GPLD1: variants seen among roughly 807,000 people sequenced by gnomAD.
GPLD1 encodes phosphatidylinositol-glycan-specific phospholipase D.
In GPLD1, 84 loss-of-function variants were observed where a neutral mutation model predicts 112.6. That is an observed-to-expected ratio of 0.75 (90% CI 0.63 to 0.89). GPLD1 has a LOEUF of 0.89. GPLD1 is among the 40% of genes least tolerant of loss of function. The probability of loss-of-function intolerance (pLI) is 0.00; values close to 1 mark genes in which losing one functional copy is unlikely to be tolerated. For synonymous variants in GPLD1, 386 were observed against 403.8 expected (o/e 0.96, Z 0.53); for missense variants, 1,044 against 1,051.5 (o/e 0.99, Z 0.10).
At chr6:24,474,177 A>C (rs1763929622) in intron 5 of GPLD1, among the ~76,000 whole-genome samples, 3 of 36,468 alleles carry the variant, frequency 8.2e-5, no homozygotes, top group African/African-American at 1.2e-4. Flanking sequence ...ACCCACATAC[A>C]CACACACACA....
intron 15 of GPLD1, 121 bp from the exon 16 acceptor site, chr6:24,448,329 C>A (rs1581745359): frequency 5.4e-5 from 23 of 429,742 alleles, no homozygotes; most frequent in Middle Eastern, 3.7e-4. Context: ...TCTATAATCC[C>A]AGTGCTTTGG....
intron 1 of GPLD1, among the ~76,000 whole-genome samples, chr6:24,486,817 CA>C (rs11322353): frequency 0.87 from 130,803 of 149,678 alleles, 57,681 homozygotes; most frequent in Non-Finnish European, 0.92. Flanking sequence ...GGCTCTGTCT[CA>C]AAAAAAAAAA....
intron 2 of GPLD1, among the ~76,000 whole-genome samples, chr6:24,481,762 A>T (rs563432576): frequency 2.0e-5 from 3 of 152,284 alleles, no homozygotes; most frequent in African/African-American, 7.2e-5. Context: ...TATAGAAACC[A>T]TCTAGAGCTC....
intron 13 of GPLD1, 29 bp from the exon 14 acceptor site, chr6:24,454,230 T>C (rs1187740067): frequency 6.4e-7 from 1 of 1,556,728 alleles, no homozygotes; most frequent in South Asian, 1.2e-5. Context: ...CCCACCATGG[T>C]ATGCACTGAG....
Position 24,480,082 on chromosome 6 carries a change from AAAGG to A in GPLD1, c.154-127_154-124del, listed in dbSNP as rs369474313. 1,149 of 634,072 alleles carry A rather than the reference AAAGG, an allele frequency of 1.8e-3. 7 individuals carry two copies. The highest frequency in any genetic ancestry group is 0.013 in the African/African-American group (715 of 55,488). The allele number at this position is 634,072 out of a possible 1,614,324, so 39.3% of individuals were successfully genotyped here. A position where few individuals can be genotyped will look rare whatever the true frequency, so the allele number is the denominator to read the frequency against. ...GGGGTATAGATGGAATGAAAGGGAA[AAAGG>A]AAGGAAAGCAGGCATAAAGTAAATA... On this transcript the variant is annotated intron_variant, in intron 2 of 24. Coordinates refer to ENST00000230036, the MANE Select transcript of GPLD1 (RefSeq NM_001503.4).
At chr6:24,485,285 C>A (rs188240720) in intron 2 of GPLD1, among the ~76,000 whole-genome samples, 1 of 152,116 alleles carries the variant, frequency 6.6e-6, no homozygotes, top group Non-Finnish European at 1.5e-5. Context: ...TGCCTATAAT[C>A]CCAGTGCTTT....
At chr6:24,431,933 G>A (rs1762417336) in intron 24 of GPLD1, among the ~76,000 whole-genome samples, 1 of 152,058 alleles carries the variant, frequency 6.6e-6, no homozygotes, top group South Asian at 2.1e-4. Flanking sequence ...GGGGATACTT[G>A]CTCAATTATA....
chr6:24,493,369 G>A (rs1037765939), upstream of GPLD1, among the ~76,000 whole-genome samples: 3 of 152,202 alleles, frequency 2.0e-5, no homozygotes, highest in Non-Finnish European at 4.4e-5. Context: ...CCATCTACTC[G>A]GGAGGCTGAG....
upstream of GPLD1, among the ~76,000 whole-genome samples, chr6:24,490,178 G>A (rs1764518116): frequency 6.6e-6 from 1 of 152,156 alleles, no homozygotes; most frequent in South Asian, 2.1e-4. Context: ...TCAGATTCCT[G>A]CAGCTGAAGC....
chr6:24,443,228 G>A (rs143678730), intron 20 of GPLD1, among the ~76,000 whole-genome samples: 195 of 152,266 alleles, frequency 1.3e-3, no homozygotes, highest in African/African-American at 4.5e-3. Context: ...GGGGAACCGA[G>A]GAAGAAGAGA....
chr6:24,456,425 A>T, intron 13 of GPLD1, 73 bp downstream of exon 13: 1 of 971,976 alleles, frequency 1.0e-6, no homozygotes, highest in East Asian at 2.5e-5. Flanking sequence ...ATGAAATAAA[A>T]AACAGTTGCA....
At chr6:24,494,299 C>G (rs905537848), upstream of GPLD1, among the ~76,000 whole-genome samples, 1 of 152,188 alleles carries the variant, frequency 6.6e-6, no homozygotes, top group Non-Finnish European at 1.5e-5. Flanking sequence ...TAAGGTTAAC[C>G]TGTCGGTCAC....
intron 7 of GPLD1, among the ~76,000 whole-genome samples, chr6:24,469,329 G>A (rs540706321): frequency 3.5e-4 from 47 of 135,914 alleles, no homozygotes; most frequent in Non-Finnish European, 4.7e-4. Flanking sequence ...ACATGCACAC[G>A]TATGTTTATT....
chr6:24,438,968 G>C (rs793668), intron 20 of GPLD1, among the ~76,000 whole-genome samples: 65,927 of 151,936 alleles, frequency 0.43, 16,448 homozygotes, highest in Middle Eastern at 0.6. Context: ...ATTTTTAGTA[G>C]AGACAGGGTT....
chr6:24,427,136 C>T lies in GPLD1; in HGVS notation c.*1896G>A, dbSNP rs1461296024. On this transcript the variant is annotated 3_prime_UTR_variant, in exon 25 of 25. Coordinates refer to ENST00000230036, the MANE Select transcript of GPLD1 (RefSeq NM_001503.4). The stretch of plus-strand genomic sequence containing the variant: ...GAAAGAGGTTCTTCCCAATTTAACA[C>T]AAAATAAACTAGTTACTGTTTACAG... 6.6e-6 allele frequency among the ~76,000 whole-genome samples: 1 copy of T among 152,186 alleles called. No homozygotes were observed. The highest frequency in any genetic ancestry group is 2.4e-5 in the African/African-American group (1 of 41,432).
upstream of GPLD1, among the ~76,000 whole-genome samples, chr6:24,491,627 G>A (rs1343176632): frequency 1.3e-5 from 2 of 151,926 alleles, no homozygotes; most frequent in Non-Finnish European, 2.9e-5. Flanking sequence ...AACATCGCCT[G>A]TACCTGGGAA....
chr6:24,436,212 C>T (rs1451893698), intron 22 of GPLD1, among the ~76,000 whole-genome samples: 1 of 151,222 alleles, frequency 6.6e-6, no homozygotes, highest in Admixed American at 6.6e-5. Context: ...GCCATGATCA[C>T]ACCACTGCAC....
intron 14 of GPLD1, among the ~76,000 whole-genome samples, chr6:24,453,727 AAG>A (rs1763172244): frequency 8.4e-6 from 1 of 119,144 alleles, no homozygotes. Flanking sequence ...TGTGTGTATA[AAG>A]AGGTTTTATA....
At chr6:24,447,165 G>GA (rs1285860276) in intron 17 of GPLD1, among the ~76,000 whole-genome samples, 186 bp from the exon 18 acceptor site, 1 of 152,098 alleles carries the variant, frequency 6.6e-6, no homozygotes, top group East Asian at 1.9e-4. Context: ...CTTCATACAA[G>GA]AAATACATTT....
Sources: gnomAD v4.1 joint callset for allele counts (sites outside exome capture counted in the v4.1 genomes callset) on GRCh38, gnomAD v4.1.1 for gene constraint, MANE v1.5 for transcripts, NCBI Gene and HGNC (gene_info 2026-07-23, HGNC 2026-07-21) for gene names.